MARCHF1: variants seen among roughly 807,000 people sequenced by gnomAD.
MARCHF1 encodes the protein E3 ubiquitin-protein ligase MARCHF1.
MARCHF1 carries 40 observed loss-of-function variants against 54.2 expected under a neutral mutation model. The ratio of observed to expected loss-of-function variants is 0.74; its 90% confidence interval spans 0.57 to 0.96. The LOEUF is 0.96. Among genes scored for constraint, MARCHF1 ranks in the 40% least tolerant of loss-of-function variants. The pLI, the probability that MARCHF1 is intolerant of heterozygous loss-of-function variation, is 0.00. For synonymous variants in MARCHF1, 236 were observed against 236.3 expected (o/e 1.00, Z 0.01); for missense variants, 586 against 656.5 (o/e 0.89, Z 1.17).
chr4:164,282,011 T>C (rs1734037961), intron 1 of MARCHF1, among the ~76,000 whole-genome samples: 1 of 151,022 alleles, frequency 6.6e-6, no homozygotes, highest in African/African-American at 2.4e-5. Context: ...ATTCCATTCA[T>C]CGTTTCACTC....
intron 4 of MARCHF1, among the ~76,000 whole-genome samples, chr4:163,745,305 G>T (rs1746325678): frequency 6.6e-6 from 1 of 151,958 alleles, no homozygotes; most frequent in South Asian, 2.1e-4. Flanking sequence ...AGTAGAGACA[G>T]GGTTTCATCA....
At chr4:163,622,670 T>G (rs1200201513) in intron 5 of MARCHF1, among the ~76,000 whole-genome samples, 2 of 152,188 alleles carry the variant, frequency 1.3e-5, no homozygotes, top group Non-Finnish European at 2.9e-5. Flanking sequence ...GTTATCTCGA[T>G]GCCGAGTTTA....
At chr4:163,641,059 C>A (rs1033217338) in intron 5 of MARCHF1, among the ~76,000 whole-genome samples, 2 of 152,022 alleles carry the variant, frequency 1.3e-5, no homozygotes, top group Non-Finnish European at 2.9e-5. Context: ...ATCATGTCAA[C>A]CTATAAGTGC....
At chr4:164,260,284 C>T (rs1277241011) in intron 1 of MARCHF1, among the ~76,000 whole-genome samples, 1 of 151,972 alleles carries the variant, frequency 6.6e-6, no homozygotes. Context: ...CCTTATAAAC[C>T]TCCAGAATAA....
chr4:163,627,093 C>T (rs1430503100), intron 5 of MARCHF1, among the ~76,000 whole-genome samples: 2 of 152,058 alleles, frequency 1.3e-5, no homozygotes, highest in African/African-American at 2.4e-5. Context: ...TAAAGATGAC[C>T]TGGTCTAACC....
intron 2 of MARCHF1, among the ~76,000 whole-genome samples, chr4:164,084,511 G>T (rs1755158266): frequency 1.3e-5 from 2 of 151,716 alleles, no homozygotes; most frequent in Admixed American, 1.3e-4. Flanking sequence ...CTTTTTATTT[G>T]TAGAATAATG....
intron 4 of MARCHF1, among the ~76,000 whole-genome samples, chr4:163,828,450 T>C (rs146502919): frequency 6.6e-6 from 1 of 152,246 alleles, no homozygotes; most frequent in African/African-American, 2.4e-5. Context: ...TTCTAAATAA[T>C]GTAGCTGAAT....
intron 7 of MARCHF1, among the ~76,000 whole-genome samples, chr4:163,602,296 A>G (rs1220774587): frequency 6.6e-6 from 1 of 152,148 alleles, no homozygotes; most frequent in Non-Finnish European, 1.5e-5. Context: ...ATATTTACTG[A>G]CAACTGCAGC....
chr4:163,611,979 G>A (rs1741356744), intron 7 of MARCHF1, among the ~76,000 whole-genome samples: 1 of 152,052 alleles, frequency 6.6e-6, no homozygotes, highest in Non-Finnish European at 1.5e-5. Flanking sequence ...CACTATTACT[G>A]TCATAACTAG....
At chr4:164,022,502 A>G (rs1447627323) in intron 2 of MARCHF1, among the ~76,000 whole-genome samples, 1 of 152,200 alleles carries the variant, frequency 6.6e-6, no homozygotes, top group Non-Finnish European at 1.5e-5. Context: ...CTAGGGAAAG[A>G]GGCGAGTTAA....
At chr4:164,059,075 T>C (rs1313514785) in intron 2 of MARCHF1, among the ~76,000 whole-genome samples, 2 of 152,212 alleles carry the variant, frequency 1.3e-5, no homozygotes, top group Admixed American at 6.5e-5. Flanking sequence ...GTTTGGTACA[T>C]GCACATATGA....
At chr4:163,543,398 G>A (rs7693943) in intron 9 of MARCHF1, among the ~76,000 whole-genome samples, 61,924 of 150,796 alleles carry the variant, frequency 0.41, 13,972 homozygotes, top group Admixed American at 0.55. Context: ...TGAAAGCTGT[G>A]TATCTGGGTT....
chr4:164,077,006 C>T (rs968351053), intron 2 of MARCHF1, among the ~76,000 whole-genome samples: 1 of 152,142 alleles, frequency 6.6e-6, no homozygotes, highest in Non-Finnish European at 1.5e-5. Context: ...CATAGACTTT[C>T]TTCATAGAAT....
At chr4:163,626,767 A>G (rs925323957) in intron 5 of MARCHF1, among the ~76,000 whole-genome samples, 1 of 152,054 alleles carries the variant, frequency 6.6e-6, no homozygotes, top group African/African-American at 2.4e-5. Context: ...TCTCTACTAA[A>G]ATACAAAAAA....
intron 8 of MARCHF1, among the ~76,000 whole-genome samples, chr4:163,555,238 G>A (rs1739244421): frequency 6.6e-6 from 1 of 152,068 alleles, no homozygotes; most frequent in Non-Finnish European, 1.5e-5. Flanking sequence ...TTATATCTGG[G>A]GGTGTGGCCT....
intron 7 of MARCHF1, among the ~76,000 whole-genome samples, chr4:163,597,284 A>G (rs1431659635): frequency 6.6e-6 from 1 of 152,200 alleles, no homozygotes; most frequent in East Asian, 1.9e-4. Context: ...CCTCTCAAAT[A>G]GGACAAAATA....
chr4:164,228,309 A>G (rs1732314568), intron 1 of MARCHF1, among the ~76,000 whole-genome samples: 2 of 152,206 alleles, frequency 1.3e-5, no homozygotes, highest in Admixed American at 6.6e-5. Flanking sequence ...ATTAACTTAA[A>G]AATTCCTAAG....
At chr4:163,801,898 G>C (rs1480767198) in intron 4 of MARCHF1, among the ~76,000 whole-genome samples, 1 of 151,810 alleles carries the variant, frequency 6.6e-6, no homozygotes, top group African/African-American at 2.4e-5. Context: ...TTTATCAGTT[G>C]GGGTGTTTAT....
At chr4:163,976,337 A>G (rs1276774775) in intron 3 of MARCHF1, among the ~76,000 whole-genome samples, 1 of 152,182 alleles carries the variant, frequency 6.6e-6, no homozygotes. Context: ...TTAGACATAA[A>G]GGTCCTAGAC....
Sources: gnomAD v4.1 joint callset for allele counts (sites outside exome capture counted in the v4.1 genomes callset) on GRCh38, gnomAD v4.1.1 for gene constraint, MANE v1.5 for transcripts, NCBI Gene and HGNC (gene_info 2026-07-23, HGNC 2026-07-21) for gene names.